TOP2B: variants seen among roughly 807,000 people sequenced by gnomAD.
The protein encoded by TOP2B is DNA topoisomerase 2-beta.
Under a neutral mutation model 193.5 loss-of-function variants are expected in TOP2B, and 51 were observed. The ratio of observed to expected loss-of-function variants is 0.26; its 90% CI spans 0.21 to 0.33. The LOEUF (loss-of-function observed/expected upper bound fraction) is 0.33, where lower values mean the gene tolerates loss of function less well. Ranked by LOEUF, TOP2B falls within the 10% of genes least tolerant of loss-of-function variation. TOP2B has a pLI of 1.00. For missense variants in TOP2B, 1,378 were observed against 1,909.3 expected, an observed-to-expected ratio of 0.72 and a Z score of 5.19; for synonymous variants, 634 against 635.7, an observed-to-expected ratio of 1.00 and a Z score of 0.04.
At position 25,598,115 on chromosome 3, in the gene TOP2B, C is replaced by T; in HGVS notation, c.*192G>A. 1 of 524,718 alleles carries T rather than the reference C, an allele frequency of 1.9e-6. No individual in the cohort carries two copies. Among genetic ancestry groups the T allele is most frequent in the Non-Finnish European group, 3.3e-6 (1 of 306,782 alleles). The allele number at this position is 524,718 out of a possible 1,614,324, so 32.5% of individuals were successfully genotyped here. A position where few individuals can be genotyped will look rare whatever the true frequency, so the allele number is the denominator to read the frequency against. ...TACAAGCCAATCAGACAGTACGTGA[C>T]ATTTCAATGAGTAAAAAAGAGCATA... On this transcript the variant is annotated 3_prime_UTR_variant, in exon 36 of 36. Coordinates refer to ENST00000264331, the MANE Select transcript of TOP2B (RefSeq NM_001330700.2).
chr3:25,651,958 C>CATCT (rs1703604351), intron 1 of TOP2B, among the ~76,000 whole-genome samples: 2 of 151,448 alleles, frequency 1.3e-5, no homozygotes, highest in South Asian at 4.2e-4. Flanking sequence ...GTTTACAAGA[C>CATCT]ATCTGCTTCA....
chr3:25,615,086 A>C, intron 27 of TOP2B, 119 bp downstream of exon 27: 1 of 765,334 alleles, frequency 1.3e-6, no homozygotes, highest in Non-Finnish European at 2.0e-6. Context: ...GCCTAACTCA[A>C]CTTATAAACA....
At chr3:25,658,863 C>A (rs1012782911) in intron 1 of TOP2B, among the ~76,000 whole-genome samples, 1 of 152,188 alleles carries the variant, frequency 6.6e-6, no homozygotes, top group Non-Finnish European at 1.5e-5. Context: ...ACAAAAGATT[C>A]TTCAATGGAC....
rs1187763307 is a variant in TOP2B, at chr3:25,606,029, C to T, written c.4378+14G>A. On this transcript the variant is annotated intron_variant, in intron 32 of 35. Transcript: ENST00000264331. ...AATAATACAATAACCAATGAAAAGA[C>T]TAAATGAACATACCATCTTCTGACT... is the stretch of plus-strand genomic sequence containing the variant. 5 of 1,407,746 alleles carry T rather than the reference C, an allele frequency of 3.6e-6. No homozygotes were observed. Among genetic ancestry groups the T allele is most frequent in the Non-Finnish European group, 3.8e-6 (4 of 1,047,144 alleles). The allele number at this position is 1,407,746 out of a possible 1,614,324, so 87.2% of individuals were successfully genotyped here.
At chr3:25,643,876 T>G (rs1703334409) in intron 2 of TOP2B, 92 bp from the exon 3 acceptor site, 1 of 869,180 alleles carries the variant, frequency 1.2e-6, no homozygotes, top group Non-Finnish European at 1.9e-6. Flanking sequence ...TTACACTATA[T>G]GAATACTTAG....
chr3:25,622,253 A>G (rs1702677310), intron 21 of TOP2B, among the ~76,000 whole-genome samples: 1 of 152,220 alleles, frequency 6.6e-6, no homozygotes, highest in African/African-American at 2.4e-5. Context: ...AAATCCATTT[A>G]AAAATCCAAA....
chr3:25,634,288 G>T (rs186438358), intron 7 of TOP2B, among the ~76,000 whole-genome samples: 1 of 152,170 alleles, frequency 6.6e-6, no homozygotes, highest in African/African-American at 2.4e-5. Context: ...AAATGATAAG[G>T]TAGACTTCCA....
chr3:25,602,514 CCTA>C (rs1702130016), intron 33 of TOP2B, among the ~76,000 whole-genome samples: 1 of 144,270 alleles, frequency 6.9e-6, no homozygotes, highest in Non-Finnish European at 1.5e-5. Flanking sequence ...AAAAAAAAAA[CCTA>C]CACTGATTCT....
intron 1 of TOP2B, among the ~76,000 whole-genome samples, chr3:25,648,260 C>T (rs1199449475): frequency 6.6e-6 from 1 of 152,196 alleles, no homozygotes; most frequent in African/African-American, 2.4e-5. Context: ...AGCTCCAGTA[C>T]TGTAGTTTAC....
At position 25,632,594 on chromosome 3, in the gene TOP2B, C is replaced by T. The variant is rs779518573; in HGVS notation, c.1129-11G>A. The T allele has an allele frequency of 2.5e-6, 4 of 1,599,784 alleles. No homozygotes were observed. Among genetic ancestry groups the T allele is most frequent in the Non-Finnish European group, 3.4e-6 (4 of 1,176,222 alleles). On this transcript the variant is annotated splice_polypyrimidine_tract_variant and intron_variant, in intron 9 of 35. Transcript: ENST00000264331. The stretch of plus-strand genomic sequence containing the variant: ...TATATGGTTTTTTACCTGTTGAAAA[C>T]ATACCCAAAAAAGTCAATATCAGAG...
At chr3:25,612,248 C>A (rs992648843) in intron 28 of TOP2B, among the ~76,000 whole-genome samples, 2 of 152,024 alleles carry the variant, frequency 1.3e-5, no homozygotes, top group African/African-American at 4.8e-5. Flanking sequence ...GGCCGGCTTC[C>A]AAGATTTTAA....
chr3:25,624,096 A>G (rs986994885), intron 20 of TOP2B, among the ~76,000 whole-genome samples: 1 of 152,204 alleles, frequency 6.6e-6, no homozygotes, highest in Non-Finnish European at 1.5e-5. Flanking sequence ...TTAATTCACT[A>G]GGACTGATTT....
Position 25,619,943 on chromosome 3 carries a change from A to G in TOP2B, c.2982T>C (p.Thr994=). Residue 994 remains threonine, a synonymous_variant, in exon 23 of 36, where the codon ACT becomes ACC. Transcript: ENST00000264331. ...DTTVKFVVKM[T]EEKLAQAEAA... is the part of the protein sequence containing the mutation. ...CTTCTGCTTGTGCTAGTTTCTCTTC[A>G]GTCATTTTCACCACAAATTTCACAG... The G allele has an allele frequency of 6.2e-7, 1 of 1,613,336 alleles. No individual in the cohort carries two copies. Among genetic ancestry groups the G allele is most frequent in the Non-Finnish European group, 8.5e-7 (1 of 1,179,692 alleles).
intron 4 of TOP2B, among the ~76,000 whole-genome samples, chr3:25,639,371 C>T (rs763197108): frequency 3.6e-4 from 49 of 134,884 alleles, no homozygotes; most frequent in Non-Finnish European, 5.7e-4. Flanking sequence ...TGCAATGACA[C>T]GATCTCAGCT....
chr3:25,639,207 T>C (rs549940350), intron 4 of TOP2B, among the ~76,000 whole-genome samples: 2 of 152,350 alleles, frequency 1.3e-5, no homozygotes, highest in African/African-American at 4.8e-5. Context: ...AGCATGAGTA[T>C]GCAATATTTT....
chr3:25,631,165 G>A (rs763575352), intron 10 of TOP2B, among the ~76,000 whole-genome samples: 2 of 152,158 alleles, frequency 1.3e-5, no homozygotes, highest in South Asian at 2.1e-4. Flanking sequence ...TTTTACATAT[G>A]AGAAACATTC....
In TOP2B at chr3:25,598,187, TAAA is replaced by T. The variant is rs1307381181; in HGVS notation, c.*117_*119del. ...AATGTTAAAAGGCCTACCACAATAA[TAAA>T]AAACCGTCAATTACATCATCACATT... is the stretch of plus-strand genomic sequence containing the variant. On this transcript the variant is annotated 3_prime_UTR_variant, in exon 36 of 36. Transcript: ENST00000264331. 1.8e-6 allele frequency: 2 copies of T among 1,098,436 alleles called. No individual in the cohort carries two copies. The highest frequency in any genetic ancestry group is 2.6e-6 in the Non-Finnish European group (2 of 778,708). 68.0% of individuals were successfully genotyped at this position (1,098,436 alleles called of 1,614,324 possible).
At chr3:25,627,139 A>C in intron 16 of TOP2B, 48 bp downstream of exon 16, 1 of 1,298,982 alleles carries the variant, frequency 7.7e-7, no homozygotes, top group Non-Finnish European at 1.1e-6. Context: ...AAGGAATAGA[A>C]GGTAGGGGGA....
Position 25,598,250 on chromosome 3 carries a change from G to GAAGAC in TOP2B, c.*52_*56dup. Reference sequence around the variant, plus strand: ...CAGATGTACAAAAGTCTGAGACAGAGAAGACAAAAGGACAACACAAGATAT... The same window carrying GAAGAC: ...CAGATGTACAAAAGTCTGAGACAGAGAAGACAAGACAAAAGGACAACACAAGATAT... On this transcript the variant is annotated 3_prime_UTR_variant, in exon 36 of 36. Coordinates refer to ENST00000264331, the MANE Select transcript of TOP2B (RefSeq NM_001330700.2). 4.0e-6 allele frequency: 6 copies of GAAGAC among 1,511,126 alleles called. No individual in the cohort carries two copies. The highest frequency in any genetic ancestry group is 2.0e-5 in the Admixed American group (1 of 49,992). The allele number at this position is 1,511,126 out of a possible 1,614,324, so 93.6% of individuals were successfully genotyped here. A position where few individuals can be genotyped will look rare whatever the true frequency, so the allele number is the denominator to read the frequency against.
Sources: allele counts gnomAD v4.1 joint callset (sites outside exome capture counted in the v4.1 genomes callset), GRCh38; gene constraint gnomAD v4.1.1; transcripts MANE v1.5; gene names NCBI Gene and HGNC (gene_info 2026-07-23, HGNC 2026-07-21).